The following SIDT1 variants were observed in gnomAD, a reference collection of about 807,000 sequenced individuals.
SIDT1 encodes the protein SID1 transmembrane family member 1.
SIDT1 carries 101 observed loss-of-function variants against 107.5 expected under a neutral mutation model. That is an observed-to-expected ratio of 0.94 (90% CI 0.80 to 1.11). The LOEUF is 1.11. SIDT1 is among the 50% of genes least tolerant of loss of function. The pLI is 0.00. For missense variants in SIDT1, 1,076 were observed against 1,058.2 expected, an observed-to-expected ratio of 1.02 and a Z score of -0.23; for synonymous variants, 395 against 398.2, an observed-to-expected ratio of 0.99 and a Z score of 0.10.
At chr3:113,586,819 A>G (rs1378694239) in intron 9 of SIDT1, among the ~76,000 whole-genome samples, 1 of 152,242 alleles carries the variant, frequency 6.6e-6, no homozygotes, top group Non-Finnish European at 1.5e-5. Flanking sequence ...TGGAAAAATT[A>G]GACAACCTCC....
At chr3:113,633,726 G>C (rs182532127), downstream of SIDT1, among the ~76,000 whole-genome samples, 1 of 152,210 alleles carries the variant, frequency 6.6e-6, no homozygotes, top group Non-Finnish European at 1.5e-5. Context: ...CAGATGATGC[G>C]TGGAGCCTGC....
At position 113,581,353 on chromosome 3, in the gene SIDT1, T is replaced by C; in HGVS notation, c.664-8T>C. ...TGCTTTCCATTTTATTCCTCATGCA[T>C]GCTGCAGTGCCCGGTGTATGATCTC... is the stretch of plus-strand genomic sequence containing the variant. On this transcript the variant is annotated splice_polypyrimidine_tract_variant and splice_region_variant and intron_variant, in intron 5 of 24. Coordinates refer to ENST00000264852, the MANE Select transcript of SIDT1 (RefSeq NM_017699.3). 1 of 1,611,790 alleles carries C rather than the reference T, an allele frequency of 6.2e-7. No homozygotes were observed. The highest frequency in any genetic ancestry group is 8.5e-7 in the Non-Finnish European group (1 of 1,177,878).
At position 113,572,282 on chromosome 3, in the gene SIDT1, T is replaced by C. The variant is rs576179740; in HGVS notation, c.515+4572T>C. On this transcript the variant is annotated intron_variant, in intron 3 of 24. Coordinates refer to ENST00000264852, the MANE Select transcript of SIDT1 (RefSeq NM_017699.3). Reference sequence around the variant, plus strand: ...ATCTGGCAAAGTGATGGATGTATACTAACATGACACTTAGGGGAGAGCTCT... The same window carrying C: ...ATCTGGCAAAGTGATGGATGTATACCAACATGACACTTAGGGGAGAGCTCT... 5.9e-5 allele frequency among the ~76,000 whole-genome samples: 9 copies of C among 152,302 alleles called. No individual in the cohort carries two copies. The East Asian group carries it at 1.7e-3, about 29-fold the overall frequency.
Position 113,612,189 on chromosome 3 carries a change from A to G in SIDT1, c.1961A>G (p.Lys654Arg). Residue 654 changes from lysine to arginine, a missense_variant, in exon 19 of 25, where the codon AAG (lysine) becomes AGG (arginine). Coordinates refer to ENST00000264852, the MANE Select transcript of SIDT1 (RefSeq NM_017699.3). The part of the protein sequence containing the change: ...STQIYYMGRF[K>R]IDLGIFRRAA... ...CAGATATATTATATGGGTCGTTTCA[A>G]GATAGGTGAGTCACCTGTTAATTCT... 6.2e-7 allele frequency: 1 copy of G among 1,605,500 alleles called. No individual in the cohort carries two copies. Among genetic ancestry groups the G allele is most frequent in the Non-Finnish European group, 8.5e-7 (1 of 1,172,124 alleles).
chr3:113,533,858 A>C (rs9842559), intron 1 of SIDT1, among the ~76,000 whole-genome samples: 45,215 of 150,768 alleles, frequency 0.3, 7,685 homozygotes, highest in African/African-American at 0.47. Context: ...TCAGCTGATC[A>C]ATCCAGGTTT....
intron 10 of SIDT1, among the ~76,000 whole-genome samples, chr3:113,593,409 G>C (rs1180646400): frequency 1.3e-5 from 2 of 152,174 alleles, no homozygotes; most frequent in African/African-American, 4.8e-5. Context: ...AACTGTGCAT[G>C]CGAGGGATCT....
chr3:113,558,878 A>C (rs546984070), intron 1 of SIDT1, among the ~76,000 whole-genome samples: 14 of 152,344 alleles, frequency 9.2e-5, no homozygotes, highest in African/African-American at 3.4e-4. Flanking sequence ...TTTACTGAAG[A>C]TGTACAAATA....
At chr3:113,559,747 G>A (rs555658000) in intron 1 of SIDT1, among the ~76,000 whole-genome samples, 1 of 152,142 alleles carries the variant, frequency 6.6e-6, no homozygotes, top group South Asian at 2.1e-4. Flanking sequence ...ACCTGGCCTG[G>A]TCATTCTGTT....
rs946596721 is a variant in SIDT1, at chr3:113,533,063, C to T, written c.42C>T (p.Pro14=). The change falls in exon 1 of 25, where the codon CCC becomes CCT. Residue 14 remains proline (P), a synonymous_variant. Coordinates refer to ENST00000264852, the MANE Select transcript of SIDT1 (RefSeq NM_017699.3). The part of the protein sequence containing the change: ...CLRLALLCAL[P]WLLLAASPGH... Reference sequence around the variant, plus strand: ...GGCTCGCGCTGCTCTGCGCGCTGCCCTGGCTCCTGCTGGCGGCGTCGCCCG... The same window carrying T: ...GGCTCGCGCTGCTCTGCGCGCTGCCTTGGCTCCTGCTGGCGGCGTCGCCCG... The T allele has an allele frequency of 1.3e-5, 20 of 1,487,626 alleles. No individual in the cohort carries two copies. The African/African-American group carries it at 1.4e-4, about 11-fold the overall frequency. The allele number at this position is 1,487,626 out of a possible 1,614,324, so 92.2% of individuals were successfully genotyped here.
rs1168321981 is a variant in SIDT1, at chr3:113,628,474, C to T, written c.*766C>T. 1.3e-5 allele frequency: 2 copies of T among 153,066 alleles called. No individual in the cohort carries two copies. The highest frequency in any genetic ancestry group is 4.1e-4 in the South Asian group (2 of 4,830). 9.5% of individuals were successfully genotyped at this position (153,066 alleles called of 1,614,324 possible). A position where few individuals can be genotyped will look rare whatever the true frequency, so the allele number is the denominator to read the frequency against. On this transcript the variant is annotated 3_prime_UTR_variant, in exon 25 of 25. Coordinates refer to ENST00000264852, the MANE Select transcript of SIDT1 (RefSeq NM_017699.3). ...TTCTTGGAAAGGCCCTGTCACTCCA[C>T]AGATGTCTGGCCAGCTTCAAGGCAG...
At chr3:113,575,065 T>A (rs1942793586) in intron 3 of SIDT1, among the ~76,000 whole-genome samples, 1 of 152,188 alleles carries the variant, frequency 6.6e-6, no homozygotes, top group East Asian at 1.9e-4. Context: ...TTAAACACAG[T>A]AACATGTTTT....
intron 1 of SIDT1, among the ~76,000 whole-genome samples, chr3:113,563,569 G>A (rs901542247): frequency 5.9e-5 from 9 of 152,184 alleles, no homozygotes; most frequent in African/African-American, 1.2e-4. Context: ...GGTGCAATCC[G>A]TAAAATCCGG....
chr3:113,533,302 C>G, intron 1 of SIDT1, 59 bp downstream of exon 1: 7 of 1,290,852 alleles, frequency 5.4e-6, no homozygotes, highest in Non-Finnish European at 7.1e-6. Flanking sequence ...AGAGCCCCGT[C>G]GCTGCTTTGG....
intron 21 of SIDT1, 170 bp downstream of exon 21, chr3:113,619,896 G>T (rs1576982700): frequency 9.6e-6 from 6 of 622,426 alleles, no homozygotes; most frequent in Non-Finnish European, 2.9e-6. Flanking sequence ...TGTAGCAATT[G>T]TAGCCTCTCT....
intron 10 of SIDT1, among the ~76,000 whole-genome samples, chr3:113,600,868 T>C (rs1293402716): frequency 6.6e-6 from 1 of 152,106 alleles, no homozygotes; most frequent in Non-Finnish European, 1.5e-5. Flanking sequence ...AAGAAGAAAT[T>C]TATGAGGGGA....
intron 3 of SIDT1, among the ~76,000 whole-genome samples, chr3:113,571,411 C>T (rs1331005123): frequency 1.3e-5 from 2 of 151,914 alleles, no homozygotes; most frequent in East Asian, 1.9e-4. Context: ...AATGAGACCC[C>T]ATCTCTGCAA....
intron 9 of SIDT1, chr3:113,588,830 C>A (rs1462196987): frequency 1.4e-5 from 2 of 140,764 alleles, no homozygotes; most frequent in South Asian, 2.3e-4. Context: ...AAAAAAAAAA[C>A]TTCAGTGGCA....
intron 10 of SIDT1, among the ~76,000 whole-genome samples, chr3:113,600,268 C>T (rs1475057034): frequency 1.3e-5 from 2 of 152,070 alleles, no homozygotes; most frequent in African/African-American, 4.8e-5. Context: ...CGAGATCGTA[C>T]TACTGCACTC....
intron 3 of SIDT1, among the ~76,000 whole-genome samples, chr3:113,568,369 T>C (rs1942113632): frequency 6.6e-6 from 1 of 151,282 alleles, no homozygotes. Flanking sequence ...GCCGAGGAGG[T>C]GGATCACGAG....
Sources: allele counts gnomAD v4.1 joint callset (sites outside exome capture counted in the v4.1 genomes callset), GRCh38; gene constraint gnomAD v4.1.1; transcripts MANE v1.5; gene names NCBI Gene and HGNC (gene_info 2026-07-23, HGNC 2026-07-21).